The following BRI3BP variants were observed in gnomAD, a reference collection of about 807,000 sequenced individuals.
BRI3BP encodes the protein BRI3-binding protein.
Under a neutral mutation model 15.8 loss-of-function variants are expected in BRI3BP, and 7 were observed. That is an observed-to-expected ratio of 0.44 (90% CI 0.25 to 0.83). The LOEUF (loss-of-function observed/expected upper bound fraction) is 0.83. Ranked by LOEUF, BRI3BP falls within the 40% of genes least tolerant of loss-of-function variation. BRI3BP has a pLI of 0.20. For synonymous variants in BRI3BP, 192 were observed against 163.5 expected (o/e 1.17, Z -1.33); for missense variants, 320 against 339.3 (o/e 0.94, Z 0.45).
chr12:124,994,000 GA>G lies in BRI3BP; in HGVS notation c.212del (p.Lys71SerfsTer6). On this transcript the variant is annotated frameshift_variant and splice_region_variant, in exon 1 of 3. Coordinates refer to ENST00000341446, the MANE Select transcript of BRI3BP (RefSeq NM_080626.6). LOFTEE classifies it high-confidence loss of function. Reference sequence around the variant, plus strand: ...GCGAGGACAACGTGCGCGCCGCTCAGAAGGTGGGCGCCGGGCCCGCGCCCGC... The same window carrying G: ...GCGAGGACAACGTGCGCGCCGCTCAGAGGTGGGCGCCGGGCCCGCGCCCGC... ...FGEDNVRAAQ[K>X]FLARLTERFV... is the part of the protein sequence containing the mutation. The G allele has an allele frequency of 7.4e-7, 1 of 1,342,460 alleles. No homozygotes were observed. Among genetic ancestry groups the G allele is most frequent in the Non-Finnish European group, 9.7e-7 (1 of 1,032,528 alleles). The allele number at this position is 1,342,460 out of a possible 1,614,324, so 83.2% of individuals were successfully genotyped here.
downstream of BRI3BP, among the ~76,000 whole-genome samples, chr12:125,033,861 G>A (rs1001842235): frequency 4.1e-4 from 62 of 151,670 alleles, no homozygotes; most frequent in African/African-American, 1.3e-3. Context: ...TCCCACCTCA[G>A]CCTCCCTAGT....
At chr12:124,997,985 G>A (rs529034534) in intron 1 of BRI3BP, among the ~76,000 whole-genome samples, 6 of 152,276 alleles carry the variant, frequency 3.9e-5, no homozygotes, top group East Asian at 1.9e-4. Context: ...TTAGCCAGGC[G>A]TGGTGATGCA....
chr12:124,994,322 C>T (rs1222792609), intron 1 of BRI3BP, among the ~76,000 whole-genome samples: 3 of 152,076 alleles, frequency 2.0e-5, no homozygotes, highest in African/African-American at 4.8e-5. Flanking sequence ...ATTCATTCAC[C>T]GCGTTTGAAT....
chr12:125,016,825 C>CTTTTTTTTTTTTTTT lies in BRI3BP; in HGVS notation c.316+4202_316+4216dup, dbSNP rs58016016. 2.1e-3 allele frequency among the ~76,000 whole-genome samples: 85 copies of CTTTTTTTTTTTTTTT among 39,802 alleles called. 19 individuals are homozygous for CTTTTTTTTTTTTTTT. The highest frequency in any genetic ancestry group is 4.2e-3 in the South Asian group (2 of 476). The allele number at this position is 39,802 out of a possible 152,430, so 26.1% of individuals were successfully genotyped here. A position where few individuals can be genotyped will look rare whatever the true frequency, so the allele number is the denominator to read the frequency against. ...ACGGGCATGAGCCACTGCGCCCAGC[C>CTTTTTTTTTTTTTTT]TTTTTTTTTTTTTTTTTTTTTTTTT... On this transcript the variant is annotated intron_variant, in intron 2 of 2. Transcript: ENST00000341446.
chr12:125,041,680 A>G, the BRI3BP span, among the ~76,000 whole-genome samples: 3 of 152,326 alleles, frequency 2.0e-5, no homozygotes, highest in Admixed American at 6.5e-5. Context: ...GGGATATTCA[A>G]TGACTACATG....
chr12:124,998,266 G>A (rs1024233993), intron 1 of BRI3BP, among the ~76,000 whole-genome samples: 21 of 152,058 alleles, frequency 1.4e-4, no homozygotes, highest in African/African-American at 4.8e-4. Flanking sequence ...CACTCAAGCC[G>A]GGGGAACAGA....
the BRI3BP span, among the ~76,000 whole-genome samples, chr12:125,040,635 G>A: frequency 6.6e-5 from 10 of 151,908 alleles, no homozygotes; most frequent in South Asian, 2.1e-4. Flanking sequence ...GAGCCACTGC[G>A]CCCCACCTCA....
At chr12:125,018,129 G>T (rs1451002688) in intron 2 of BRI3BP, among the ~76,000 whole-genome samples, 1 of 152,112 alleles carries the variant, frequency 6.6e-6, no homozygotes, top group Admixed American at 6.6e-5. Context: ...CACACTGAGG[G>T]GCGGCTGGCC....
the BRI3BP span, among the ~76,000 whole-genome samples, chr12:125,040,889 C>A: frequency 2.0e-5 from 3 of 151,892 alleles, no homozygotes; most frequent in Middle Eastern, 3.4e-3. Flanking sequence ...TGCCACCACA[C>A]CCAGCTAATT....
chr12:125,005,587 G>C (rs1011395596), intron 1 of BRI3BP, among the ~76,000 whole-genome samples: 8 of 152,080 alleles, frequency 5.3e-5, no homozygotes, highest in Admixed American at 2.0e-4. Context: ...TGGCCAACAT[G>C]GTTGAAACCC....
At chr12:125,013,696 C>T (rs1415199215) in intron 2 of BRI3BP, among the ~76,000 whole-genome samples, 4 of 152,174 alleles carry the variant, frequency 2.6e-5, no homozygotes, top group African/African-American at 4.8e-5. Flanking sequence ...CCATACCCAC[C>T]GCACAGGGCA....
rs1955374486 is a variant in BRI3BP at position 125,028,277 on chromosome 12, G to T, written c.*2847G>T. The stretch of plus-strand genomic sequence containing the variant: ...TGTTTATGGTCATTGTAAGATGCCC[G>T]CATGTTAAGGCTTAAGCTGTCACTG... On this transcript the variant is annotated 3_prime_UTR_variant, in exon 3 of 3. Transcript: ENST00000341446. 6.6e-6 allele frequency: 1 copy of T among 152,334 alleles called. No individual in the cohort carries two copies. Among genetic ancestry groups the T allele is most frequent in the African/African-American group, 2.4e-5 (1 of 41,576 alleles). 9.4% of individuals were successfully genotyped at this position (152,334 alleles called of 1,614,324 possible). A position where few individuals can be genotyped will look rare whatever the true frequency, so the allele number is the denominator to read the frequency against.
At chr12:125,012,942 G>T (rs59670217) in intron 2 of BRI3BP, among the ~76,000 whole-genome samples, 21,486 of 152,026 alleles carry the variant, frequency 0.14, 1,915 homozygotes, top group South Asian at 0.32. Flanking sequence ...AAATTGCTGG[G>T]TGCAGTGATG....
intron 1 of BRI3BP, among the ~76,000 whole-genome samples, chr12:125,000,726 C>T (rs924684445): frequency 1.3e-5 from 2 of 152,198 alleles, no homozygotes; most frequent in African/African-American, 4.8e-5. Flanking sequence ...TACATTTCCC[C>T]TCAAACTTTT....
intron 2 of BRI3BP, among the ~76,000 whole-genome samples, chr12:125,018,625 C>T (rs1955267523): frequency 1.3e-5 from 2 of 151,904 alleles, no homozygotes. Flanking sequence ...ACACGCTGTT[C>T]ACAGACTTCC....
At position 125,016,825 on chromosome 12, in the gene BRI3BP, C is replaced by CTTTTTTTTTTTTTTTT. The variant is rs58016016; in HGVS notation, c.316+4201_316+4216dup. On this transcript the variant is annotated intron_variant, in intron 2 of 2. Transcript: ENST00000341446. Reference sequence around the variant, plus strand: ...ACGGGCATGAGCCACTGCGCCCAGCCTTTTTTTTTTTTTTTTTTTTTTTTT... The same window carrying CTTTTTTTTTTTTTTTT: ...ACGGGCATGAGCCACTGCGCCCAGCCTTTTTTTTTTTTTTTTTTTTTTTTTTTTTTTTTTTTTTTTT... 1.2e-3 allele frequency among the ~76,000 whole-genome samples: 46 copies of CTTTTTTTTTTTTTTTT among 39,804 alleles called. 6 individuals are homozygous for CTTTTTTTTTTTTTTTT. Among genetic ancestry groups the CTTTTTTTTTTTTTTTT allele is most frequent in the South Asian group, 6.3e-3 (3 of 476 alleles). The allele number at this position is 39,804 out of a possible 152,430, so 26.1% of individuals were successfully genotyped here.
chr12:125,020,228 G>C (rs1955284950), intron 2 of BRI3BP, among the ~76,000 whole-genome samples: 1 of 152,170 alleles, frequency 6.6e-6, no homozygotes, highest in South Asian at 2.1e-4. Flanking sequence ...TTACAGGCAT[G>C]AGCCACCGTG....
At chr12:125,008,664 A>G (rs11057981) in intron 1 of BRI3BP, among the ~76,000 whole-genome samples, 20,127 of 152,140 alleles carry the variant, frequency 0.13, 1,405 homozygotes, top group Admixed American at 0.15. Context: ...CAGCGGGACC[A>G]GTTTTGTGGA....
chr12:125,015,692 G>T (rs1393355500), intron 2 of BRI3BP, among the ~76,000 whole-genome samples: 1 of 152,188 alleles, frequency 6.6e-6, no homozygotes, highest in East Asian at 1.9e-4. Context: ...GACACCCCAG[G>T]CCATTCAGAA....
Sources: allele counts gnomAD v4.1 joint callset (sites outside exome capture counted in the v4.1 genomes callset), GRCh38; gene constraint gnomAD v4.1.1; transcripts MANE v1.5; gene names NCBI Gene and HGNC (gene_info 2026-07-23, HGNC 2026-07-21).